The following GJA3 variants were observed in gnomAD, a reference collection of about 807,000 sequenced individuals.
GJA3 encodes gap junction alpha-3 protein.
For synonymous variants in GJA3, 297 were observed against 292.6 expected (o/e 1.02, Z -0.15); for missense variants, 571 against 620.3 (o/e 0.92, Z 0.84).
rs909543812 is a variant in GJA3, at chr13:20,138,533, AAAGT to A, written c.*3444_*3447del. Reference sequence around the variant, plus strand: ...AATATTTTGGGCAGTCAGAAACCTTAAAGTGAGTCAACCCAAGATTTGCACTGTA... The same window carrying A: ...AATATTTTGGGCAGTCAGAAACCTTAGAGTCAACCCAAGATTTGCACTGTA... On this transcript the variant is annotated 3_prime_UTR_variant, in exon 2 of 2. Transcript: ENST00000241125. The A allele has an allele frequency of 1.3e-4, 20 of 152,248 alleles. No individual in the cohort carries two copies. Among genetic ancestry groups the A allele is most frequent in the African/African-American group, 4.8e-4 (20 of 41,466 alleles). 9.4% of individuals were successfully genotyped at this position (152,248 alleles called of 1,614,324 possible). A position where few individuals can be genotyped will look rare whatever the true frequency, so the allele number is the denominator to read the frequency against.
At chr13:20,158,669 T>C (rs965965677) in intron 1 of GJA3, among the ~76,000 whole-genome samples, 4 of 151,630 alleles carry the variant, frequency 2.6e-5, no homozygotes, top group Non-Finnish European at 2.9e-5. Context: ...TCCAGCACTT[T>C]GGGAGGCTGA....
Position 20,142,698 on chromosome 13 carries a change from G to A in GJA3, c.591C>T (p.Pro197=), listed in dbSNP as rs1415928891. Residue 197 remains proline (P), a synonymous_variant, in exon 2 of 2, where the codon CCC becomes CCT. Coordinates refer to ENST00000241125, the MANE Select transcript of GJA3 (RefSeq NM_021954.4). The part of the protein sequence containing the change: ...PNTVDCFISR[P]TEKTIFIIFM... ...AGATGATGAAGATGGTCTTCTCCGT[G>A]GGCCTGGAGATGAAGCAGTCCACCG... The A allele has an allele frequency of 6.2e-7, 1 of 1,614,000 alleles. No individual in the cohort carries two copies. Among genetic ancestry groups the A allele is most frequent in the East Asian group, 2.2e-5 (1 of 44,872 alleles).
At position 20,154,418 on chromosome 13, in the gene GJA3, G is replaced by A. The variant is rs139173270; in HGVS notation, c.-18+6472C>T. ...AACATTCCTTTTGTATGTTGATATT[G>A]TATCCAGCAACCTGTTACAAAGGCT... On this transcript the variant is annotated intron_variant, in intron 1 of 1. Coordinates refer to ENST00000241125, the MANE Select transcript of GJA3 (RefSeq NM_021954.4). 4.9e-3 allele frequency among the ~76,000 whole-genome samples: 742 copies of A among 152,234 alleles called. 6 individuals are homozygous for A. The highest frequency in any genetic ancestry group is 0.017 in the African/African-American group (717 of 41,544).
Position 20,143,031 on chromosome 13 carries a change from G to A in GJA3, c.258C>T (p.Ser86=), listed in dbSNP as rs758730253. The A allele has an allele frequency of 4.3e-6, 7 of 1,612,620 alleles. No homozygotes were observed. Among genetic ancestry groups the A allele is most frequent in the Admixed American group, 1.7e-5 (1 of 59,752 alleles). ...GGCCCAGGTAGATGAGGGTGGGCGT[G>A]GACACGAAGATGATCTGCAGCGCCC... ...RFWALQIIFV[S]TPTLIYLGHV... Residue 86 remains serine (S), a synonymous_variant, in exon 2 of 2, where the codon TCC becomes TCT. Coordinates refer to ENST00000241125, the MANE Select transcript of GJA3 (RefSeq NM_021954.4).
At chr13:20,152,073 T>C (rs1046341254) in intron 1 of GJA3, among the ~76,000 whole-genome samples, 1 of 152,102 alleles carries the variant, frequency 6.6e-6, no homozygotes, top group African/African-American at 2.4e-5. Context: ...CGATCATGAA[T>C]TGTCTGGGAC....
Position 20,140,741 on chromosome 13 carries a change from G to C in GJA3, c.*1240C>G, listed in dbSNP as rs1360989391. Reference sequence around the variant, plus strand: ...TGAGCACGCGCCCTCCCCCAGGCAGGGATCCCCAGACACTTATATTATTTA... The same window carrying C: ...TGAGCACGCGCCCTCCCCCAGGCAGCGATCCCCAGACACTTATATTATTTA... On this transcript the variant is annotated 3_prime_UTR_variant, in exon 2 of 2. Transcript: ENST00000241125. 2 of 152,212 alleles carry C rather than the reference G, an allele frequency of 1.3e-5. No homozygotes were observed. The highest frequency in any genetic ancestry group is 4.8e-5 in the African/African-American group (2 of 41,448). 9.4% of individuals were successfully genotyped at this position (152,212 alleles called of 1,614,324 possible). A position where few individuals can be genotyped will look rare whatever the true frequency, so the allele number is the denominator to read the frequency against.
chr13:20,154,459 G>T (rs1958897000), intron 1 of GJA3, among the ~76,000 whole-genome samples: 1 of 152,278 alleles, frequency 6.6e-6, no homozygotes, highest in Non-Finnish European at 1.5e-5. Context: ...AGTTCTAATA[G>T]ATTCTTTTGG....
intron 1 of GJA3, among the ~76,000 whole-genome samples, chr13:20,146,315 G>C (rs115153665): frequency 6.6e-6 from 1 of 152,170 alleles, no homozygotes. Context: ...TGCCGTGTTT[G>C]GGGTGACCTC....
Position 20,139,519 on chromosome 13 carries a change from T to C in GJA3, c.*2462A>G, listed in dbSNP as rs960335625. On this transcript the variant is annotated 3_prime_UTR_variant, in exon 2 of 2. Coordinates refer to ENST00000241125, the MANE Select transcript of GJA3 (RefSeq NM_021954.4). ...GAGAAGGACCCAGCCTTTAGAATCA[T>C]GGATACCTCAAAGAGCAAAAGGATG... 1 of 152,216 alleles carries C rather than the reference T, an allele frequency of 6.6e-6. No homozygotes were observed. Among genetic ancestry groups the C allele is most frequent in the Non-Finnish European group, 1.5e-5 (1 of 68,034 alleles). The allele number at this position is 152,216 out of a possible 1,614,324, so 9.4% of individuals were successfully genotyped here.
intron 1 of GJA3, among the ~76,000 whole-genome samples, chr13:20,151,243 G>T (rs1958875374): frequency 6.6e-6 from 1 of 152,150 alleles, no homozygotes; most frequent in African/African-American, 2.4e-5. Flanking sequence ...ACCTCCTCAG[G>T]CAAGAGCAGG....
chr13:20,144,400 CTCAG>C (rs1566515920), intron 1 of GJA3, among the ~76,000 whole-genome samples: 1 of 152,196 alleles, frequency 6.6e-6, no homozygotes, highest in Admixed American at 6.5e-5. Context: ...CACGCCCAGA[CTCAG>C]TCAGGGTGCA....
At chr13:20,148,426 A>G (rs1958856978) in intron 1 of GJA3, among the ~76,000 whole-genome samples, 1 of 151,850 alleles carries the variant, frequency 6.6e-6, no homozygotes, top group Non-Finnish European at 1.5e-5. Flanking sequence ...TGCAGGGCTA[A>G]TTTTCATGTT....
chr13:20,153,193 A>AC, intron 1 of GJA3, among the ~76,000 whole-genome samples: 1 of 136,996 alleles, frequency 7.3e-6, no homozygotes, highest in Middle Eastern at 4.0e-3. Flanking sequence ...AATTCAAAAC[A>AC]AACCTGTCAA....
intron 1 of GJA3, among the ~76,000 whole-genome samples, chr13:20,152,679 C>T (rs1958885789): frequency 6.6e-6 from 1 of 152,186 alleles, no homozygotes; most frequent in Non-Finnish European, 1.5e-5. Context: ...CACGCCTAGT[C>T]TATACTGACA....
At chr13:20,144,336 T>G (rs1401192069) in intron 1 of GJA3, among the ~76,000 whole-genome samples, 1 of 152,152 alleles carries the variant, frequency 6.6e-6, no homozygotes, top group Non-Finnish European at 1.5e-5. Flanking sequence ...GGGCCTTCAG[T>G]GGCCGTCACT....
intron 1 of GJA3, among the ~76,000 whole-genome samples, chr13:20,148,039 G>A (rs1958853757): frequency 6.6e-6 from 1 of 152,158 alleles, no homozygotes; most frequent in Non-Finnish European, 1.5e-5. Flanking sequence ...ACACTTCACA[G>A]TTTGGGTTTT....
intron 1 of GJA3, among the ~76,000 whole-genome samples, chr13:20,154,066 C>T (rs571303840): frequency 6.6e-6 from 1 of 152,272 alleles, no homozygotes; most frequent in Non-Finnish European, 1.5e-5. Context: ...CAACCTTGTT[C>T]TCCAAATGTG....
chr13:20,156,750 G>T (rs1958909075), intron 1 of GJA3, among the ~76,000 whole-genome samples: 1 of 152,200 alleles, frequency 6.6e-6, no homozygotes, highest in African/African-American at 2.4e-5. Context: ...TGAAATACTT[G>T]AATAAATATT....
chr13:20,142,275 C>A lies in GJA3; in HGVS notation c.1014G>T (p.Pro338=). ...WANQAAERQP[P]ALKAYPAAST... is the part of the protein sequence containing the mutation. ...ACGCTGCCGGGTAAGCCTTGAGCGCCGGGGGCTGCCGCTCGGCCGCCTGGT... is the reference window on the plus strand; with the variant it reads ...ACGCTGCCGGGTAAGCCTTGAGCGCAGGGGGCTGCCGCTCGGCCGCCTGGT... Residue 338 remains proline (P), a synonymous_variant, in exon 2 of 2, where the codon CCG becomes CCT. Transcript: ENST00000241125. 6.4e-7 allele frequency: 1 copy of A among 1,564,386 alleles called. No homozygotes were observed. The highest frequency in any genetic ancestry group is 8.6e-7 in the Non-Finnish European group (1 of 1,158,118).
Sources: gnomAD v4.1 joint callset for allele counts (sites outside exome capture counted in the v4.1 genomes callset) on GRCh38, gnomAD v4.1.1 for gene constraint, MANE v1.5 for transcripts, NCBI Gene and HGNC (gene_info 2026-07-23, HGNC 2026-07-21) for gene names.